The following CAPN5 variants were observed in gnomAD, a reference collection of about 807,000 sequenced individuals.
CAPN5 encodes the protein calpain-5.
In CAPN5, 54 loss-of-function variants were observed where a neutral mutation model predicts 73.0. That is an observed-to-expected ratio of 0.74 (90% CI 0.59 to 0.93). CAPN5 has a LOEUF of 0.93. Ranked by LOEUF, CAPN5 falls within the 40% of genes least tolerant of loss-of-function variation. The pLI, the probability that CAPN5 is intolerant of heterozygous loss-of-function variation, is 0.00. For synonymous variants in CAPN5, 335 were observed against 356.9 expected (o/e 0.94, Z 0.69); for missense variants, 785 against 882.9 (o/e 0.89, Z 1.41).
At position 77,112,613 on chromosome 11, in the gene CAPN5, G is replaced by T; in HGVS notation, c.322G>T (p.Glu108Ter). 6.2e-7 allele frequency: 1 copy of T among 1,614,042 alleles called. No individual in the cohort carries two copies. The highest frequency in any genetic ancestry group is 8.5e-7 in the Non-Finnish European group (1 of 1,180,012). ...QKVIPDWKEQ[E>*]WDPEKPNAYA... Reference sequence around the variant, plus strand: ...GGTCATCCCAGACTGGAAGGAGCAGGAATGGGACCCCGAAAAGCCCAACGC... The same window carrying T: ...GGTCATCCCAGACTGGAAGGAGCAGTAATGGGACCCCGAAAAGCCCAACGC... Residue 108 changes from glutamate to a stop codon, truncating the protein, a stop_gained, in exon 4 of 13, where the codon GAA becomes TAA. Transcript: ENST00000648180. LOFTEE classifies it high-confidence loss of function.
intron 3 of CAPN5, chr11:77,103,012 C>T: frequency 6.2e-7 from 1 of 1,613,678 alleles, no homozygotes; most frequent in Non-Finnish European, 8.5e-7. Context: ...CTCAACTTCA[C>T]CCAGCAGCAG....
chr11:77,082,995 C>A (rs1472688034), intron 1 of CAPN5, among the ~76,000 whole-genome samples: 1 of 152,232 alleles, frequency 6.6e-6, no homozygotes, highest in Non-Finnish European at 1.5e-5. Flanking sequence ...TCCTCGGTGA[C>A]TCTGCCAGAA....
intron 3 of CAPN5, among the ~76,000 whole-genome samples, chr11:77,094,681 T>C (rs1260511351): frequency 2.0e-5 from 3 of 152,160 alleles, no homozygotes; most frequent in Non-Finnish European, 4.4e-5. Flanking sequence ...GCAGTGAGCC[T>C]CAGCACTTGG....
intron 3 of CAPN5, chr11:77,103,370 T>G (rs921354168): frequency 1.6e-5 from 25 of 1,575,318 alleles, no homozygotes; most frequent in Non-Finnish European, 1.9e-5. Flanking sequence ...AGCCCACCTG[T>G]GCTCTCCCCT....
intron 5 of CAPN5, among the ~76,000 whole-genome samples, chr11:77,114,897 A>G (rs1276026105): frequency 6.6e-6 from 1 of 152,118 alleles, no homozygotes; most frequent in East Asian, 1.9e-4. Flanking sequence ...TTTAACAACC[A>G]GCTATTAACA....
At chr11:77,110,355 C>A (rs1555040576) in intron 3 of CAPN5, among the ~76,000 whole-genome samples, 1 of 152,148 alleles carries the variant, frequency 6.6e-6, no homozygotes, top group Non-Finnish European at 1.5e-5. Flanking sequence ...TCCCATGAGA[C>A]GTGTTTTTGA....
chr11:77,103,839 C>A (rs544395702), intron 3 of CAPN5, among the ~76,000 whole-genome samples: 5 of 152,302 alleles, frequency 3.3e-5, no homozygotes, highest in Admixed American at 2.0e-4. Flanking sequence ...GGCTGCTGGT[C>A]CCATAACACG....
At chr11:77,107,762 T>C (rs1555040163) in intron 3 of CAPN5, among the ~76,000 whole-genome samples, 1 of 152,164 alleles carries the variant, frequency 6.6e-6, no homozygotes. Context: ...TGCTGCCAGG[T>C]CAGCCCAAGT....
chr11:77,101,090 A>G (rs1950279163), intron 3 of CAPN5, among the ~76,000 whole-genome samples: 1 of 152,196 alleles, frequency 6.6e-6, no homozygotes, highest in Non-Finnish European at 1.5e-5. Context: ...GTGGTCCATC[A>G]CATCACCTGT....
chr11:77,104,441 C>T (rs562794245), intron 3 of CAPN5, among the ~76,000 whole-genome samples: 6 of 152,166 alleles, frequency 3.9e-5, no homozygotes, highest in African/African-American at 9.7e-5. Context: ...TGGGCAGTTA[C>T]GACGGCTGAT....
At chr11:77,075,380 C>T (rs1339033215) in intron 1 of CAPN5, among the ~76,000 whole-genome samples, 1 of 152,180 alleles carries the variant, frequency 6.6e-6, no homozygotes, top group African/African-American at 2.4e-5. Flanking sequence ...TGGACTGCTC[C>T]AAGTGTTGAG....
intron 3 of CAPN5, 50 bp downstream of exon 3, chr11:77,093,863 C>G: frequency 6.3e-7 from 1 of 1,588,444 alleles, no homozygotes; most frequent in Non-Finnish European, 8.6e-7. Flanking sequence ...TGAACGCAGC[C>G]TGTGGCCCTC....
chr11:77,113,425 C>T (rs1478672972), intron 4 of CAPN5, among the ~76,000 whole-genome samples: 1 of 152,132 alleles, frequency 6.6e-6, no homozygotes, highest in Non-Finnish European at 1.5e-5. Flanking sequence ...GGCAGGGATA[C>T]GCCTAGGCCA....
intron 3 of CAPN5, among the ~76,000 whole-genome samples, chr11:77,110,498 C>T (rs1190320849): frequency 6.6e-6 from 1 of 152,136 alleles, no homozygotes; most frequent in Non-Finnish European, 1.5e-5. Flanking sequence ...AGTGTTGAGC[C>T]CTTGCTGGGT....
chr11:77,093,826 G>T lies in CAPN5; in HGVS notation c.297+13G>T. 6.2e-7 allele frequency: 1 copy of T among 1,607,208 alleles called. No individual in the cohort carries two copies. On this transcript the variant is annotated intron_variant, in intron 3 of 12. Transcript: ENST00000648180. ...GCTGTGGCAAAAGGTGAGGCCTCGG[G>T]CAGAGTGGGCAGGGTGCTGGGGAGT...
At chr11:77,097,469 T>A (rs1200435368) in intron 3 of CAPN5, among the ~76,000 whole-genome samples, 1 of 136,590 alleles carries the variant, frequency 7.3e-6, no homozygotes, top group Non-Finnish European at 1.5e-5. Flanking sequence ...TTCTAGTTTT[T>A]TTTTTTTTTT....
chr11:77,094,793 A>G (rs1232540121), intron 3 of CAPN5, among the ~76,000 whole-genome samples: 2 of 152,238 alleles, frequency 1.3e-5, no homozygotes, highest in Non-Finnish European at 2.9e-5. Flanking sequence ...GCTGCACTCA[A>G]CATGCCTTGT....
rs141721276 is a variant in CAPN5, at chr11:77,119,461, G to A, written c.1290+309G>A. 6.4e-4 allele frequency: 231 copies of A among 358,840 alleles called. 1 individual carries two copies. Among genetic ancestry groups the A allele is most frequent in the African/African-American group, 4.2e-3 (205 of 48,792 alleles). 22.2% of individuals were successfully genotyped at this position (358,840 alleles called of 1,614,324 possible). ...TGGTGGTTGGGGCCGGGCCCTGGGA[G>A]GCTCTGGGCATCTACTGGGCCCCCA... is the stretch of plus-strand genomic sequence containing the variant. On this transcript the variant is annotated intron_variant, in intron 9 of 12. Coordinates refer to ENST00000648180, the MANE Select transcript of CAPN5 (RefSeq NM_004055.5).
intron 5 of CAPN5, among the ~76,000 whole-genome samples, chr11:77,115,058 C>T (rs1469423505): frequency 6.6e-6 from 1 of 151,084 alleles, no homozygotes; most frequent in African/African-American, 2.4e-5. Context: ...AGCAAAACTC[C>T]ATCCAAAAAA....
Sources: allele counts gnomAD v4.1 joint callset (sites outside exome capture counted in the v4.1 genomes callset), GRCh38; gene constraint gnomAD v4.1.1; transcripts MANE v1.5; gene names NCBI Gene and HGNC (gene_info 2026-07-23, HGNC 2026-07-21).